Variants in ATP2B4 observed in about 807,000 individuals in gnomAD.
ATP2B4 encodes plasma membrane calcium-transporting ATPase 4.
In ATP2B4, 39 loss-of-function variants were observed where a neutral mutation model predicts 110.3. The ratio of observed to expected loss-of-function variants is 0.35; its 90% CI spans 0.27 to 0.46. The LOEUF is 0.46. Ranked by LOEUF, ATP2B4 falls within the 20% of genes least tolerant of loss-of-function variation. The probability of loss-of-function intolerance (pLI) is 1.00; values close to 1 mark genes in which losing one functional copy is unlikely to be tolerated. For synonymous variants in ATP2B4, 538 were observed against 571.7 expected, an observed-to-expected ratio of 0.94 and a Z score of 0.84; for missense variants, 1,135 against 1,530.9, an observed-to-expected ratio of 0.74 and a Z score of 4.32.
intron 1 of ATP2B4, among the ~76,000 whole-genome samples, chr1:203,673,258 A>AG (rs1664729006): frequency 6.6e-6 from 1 of 152,142 alleles, no homozygotes; most frequent in African/African-American, 2.4e-5. Context: ...AGGAGTTGGC[A>AG]GGGAGGGGCC....
intron 7 of ATP2B4, among the ~76,000 whole-genome samples, chr1:203,703,018 CA>C (rs199582727): frequency 0.023 from 3,522 of 152,242 alleles, 58 homozygotes; most frequent in Non-Finnish European, 0.037. Flanking sequence ...CCCTCTTCCC[CA>C]AAAGACTTAA....
At chr1:203,732,102 G>A (rs1293243211) in intron 20 of ATP2B4, among the ~76,000 whole-genome samples, 7 of 150,078 alleles carry the variant, frequency 4.7e-5, no homozygotes, top group Non-Finnish European at 8.9e-5. Context: ...GCGTGAACCC[G>A]GGAGGCGGAG....
intron 2 of ATP2B4, among the ~76,000 whole-genome samples, chr1:203,696,206 C>T (rs1230038458): frequency 1.3e-5 from 2 of 152,200 alleles, no homozygotes; most frequent in Non-Finnish European, 2.9e-5. Context: ...GGATTACAGG[C>T]ATGAGCCACC....
chr1:203,644,584 T>C (rs1020607973), intron 1 of ATP2B4, among the ~76,000 whole-genome samples: 3 of 152,196 alleles, frequency 2.0e-5, no homozygotes, highest in Non-Finnish European at 4.4e-5. Flanking sequence ...TAAATGTACT[T>C]CTAGGATGTT....
intron 1 of ATP2B4, among the ~76,000 whole-genome samples, chr1:203,638,417 C>T (rs1012628426): frequency 2.0e-5 from 3 of 152,182 alleles, no homozygotes; most frequent in Non-Finnish European, 4.4e-5. Flanking sequence ...AGCACTCGTA[C>T]GACATCTGTT....
At chr1:203,738,326 T>C (rs1447187264) in intron 20 of ATP2B4, among the ~76,000 whole-genome samples, 1 of 152,044 alleles carries the variant, frequency 6.6e-6, no homozygotes, top group Non-Finnish European at 1.5e-5. Flanking sequence ...AAGCCACGCC[T>C]CAGAGAGACC....
rs576970173 is a variant in ATP2B4 at position 203,685,849 on chromosome 1, T to C, written c.193+2451T>C. 1.7e-4 allele frequency among the ~76,000 whole-genome samples: 26 copies of C among 152,328 alleles called. 1 individual carries two copies. Among genetic ancestry groups the C allele is most frequent in the South Asian group, 1.5e-3 (7 of 4,826 alleles). On this transcript the variant is annotated intron_variant, in intron 2 of 20. Transcript: ENST00000357681. ...CTCATACTTATAATTAGGTGTTCAA[T>C]AGATTAGTTTTCTCAGATTAAAACA...
rs773547575 is a variant in ATP2B4 at position 203,733,300 on chromosome 1, T to C, written c.3309+5729T>C. On this transcript the variant is annotated intron_variant, in intron 20 of 20. Coordinates refer to ENST00000357681, the MANE Select transcript of ATP2B4 (RefSeq NM_001684.5). ...GGCGACAGAACATGGGTCAACACCT[T>C]GATGTAAAACTTGTTCCTAGTTCAT... 128 of 1,614,026 alleles carry C rather than the reference T, an allele frequency of 7.9e-5. No individual in the cohort carries two copies. Among genetic ancestry groups the C allele is most frequent in the Non-Finnish European group, 1.0e-4 (122 of 1,179,990 alleles).
At chr1:203,686,192 C>A (rs867569184) in intron 2 of ATP2B4, among the ~76,000 whole-genome samples, 5 of 152,136 alleles carry the variant, frequency 3.3e-5, no homozygotes, top group Non-Finnish European at 5.9e-5. Context: ...TTAATTATAT[C>A]TTCACTGAGA....
In ATP2B4 at chr1:203,721,373, C is replaced by G. The variant is rs112149038; in HGVS notation, c.2775C>G (p.Phe925Leu). 5.2e-5 allele frequency: 84 copies of G among 1,614,140 alleles called. No homozygotes were observed. The African/African-American group carries it at 5.3e-4, about 10-fold the overall frequency. The change falls in exon 17 of 21, where the codon TTC becomes TTG. Residue 925 changes from phenylalanine to leucine, a missense_variant. Physicochemically the swap from Phe to Leu is conservative, Grantham distance 22. Coordinates refer to ENST00000357681, the MANE Select transcript of ATP2B4 (RefSeq NM_001684.5). The stretch of plus-strand genomic sequence containing the variant: ...TGAAGAACATCTTGGGCCATGCATT[C>G]TATCAGCTCATTGTCATCTTTATCC... ...TMMKNILGHAFYQLIVIFILV... is the reference protein window; with the variant it reads ...TMMKNILGHALYQLIVIFILV...
intron 6 of ATP2B4, 88 bp downstream of exon 6, chr1:203,701,011 G>T (rs1482099432): frequency 1.4e-6 from 2 of 1,462,654 alleles, no homozygotes; most frequent in Non-Finnish European, 1.8e-6. Context: ...TAGAAAGCAT[G>T]GTTGGAAGAA....
Position 203,700,757 on chromosome 1 carries a change from T to TA in ATP2B4, c.776-35dup, listed in dbSNP as rs765919679. 3 of 1,610,406 alleles carry TA rather than the reference T, an allele frequency of 1.9e-6. No homozygotes were observed. In the East Asian group the frequency reaches 6.7e-5, roughly 36 times the overall value. ...TTCATACCAAATCATGTCTAGGTATTAAAAAACCCATTCCTTCCCATCTTC... is the reference window on the plus strand; with the variant it reads ...TTCATACCAAATCATGTCTAGGTATTAAAAAAACCCATTCCTTCCCATCTTC... On this transcript the variant is annotated intron_variant, in intron 5 of 20. Coordinates refer to ENST00000357681, the MANE Select transcript of ATP2B4 (RefSeq NM_001684.5).
At chr1:203,663,611 CTT>C (rs892156841) in intron 1 of ATP2B4, among the ~76,000 whole-genome samples, 8 of 145,264 alleles carry the variant, frequency 5.5e-5, no homozygotes, top group Admixed American at 6.9e-5. Context: ...CTCTCTCTCT[CTT>C]TTTTTTTTTT....
At chr1:203,628,102 G>A (rs1663143793) in intron 1 of ATP2B4, among the ~76,000 whole-genome samples, 1 of 152,226 alleles carries the variant, frequency 6.6e-6, no homozygotes, top group Non-Finnish European at 1.5e-5. Context: ...GGCAGATGGG[G>A]TGGGCCACAG....
At chr1:203,692,030 C>T (rs899078337) in intron 2 of ATP2B4, among the ~76,000 whole-genome samples, 4 of 151,876 alleles carry the variant, frequency 2.6e-5, no homozygotes, top group African/African-American at 7.3e-5. Flanking sequence ...TACAGGCGCC[C>T]GCCACCACAC....
At position 203,698,337 on chromosome 1, in the gene ATP2B4, CTGG is replaced by C. The variant is rs1665594710; in HGVS notation, c.377_379del (p.Gly126del). On this transcript the variant is annotated inframe_deletion, in exon 3 of 21. Transcript: ENST00000357681. ...CTGGTCCTGTCCTTTTATCGCCCTGCTGGTGAAGAAAATGAACGTGAGTGTCCT... is the reference window on the plus strand; with the variant it reads ...CTGGTCCTGTCCTTTTATCGCCCTGCTGAAGAAAATGAACGTGAGTGTCCT... The C allele has an allele frequency of 6.2e-7, 1 of 1,614,000 alleles. No homozygotes were observed. Among genetic ancestry groups the C allele is most frequent in the Non-Finnish European group, 8.5e-7 (1 of 1,180,014 alleles).
chr1:203,666,876 C>T (rs944529859), intron 1 of ATP2B4, among the ~76,000 whole-genome samples: 6 of 152,188 alleles, frequency 3.9e-5, no homozygotes, highest in African/African-American at 1.2e-4. Context: ...GCCTAAGAAG[C>T]CACTTTGACC....
intron 4 of ATP2B4, 140 bp downstream of exon 4, chr1:203,699,857 T>A: frequency 7.0e-7 from 1 of 1,418,540 alleles, no homozygotes; most frequent in Non-Finnish European, 9.5e-7. Context: ...GGTTAGAGTT[T>A]AAAGAGGTTG....
chr1:203,700,834 T>C lies in ATP2B4; in HGVS notation c.812T>C (p.Val271Ala). The C allele has an allele frequency of 6.2e-7, 1 of 1,613,628 alleles. No homozygotes were observed. Among genetic ancestry groups the C allele is most frequent in the South Asian group, 1.1e-5 (1 of 91,026 alleles). The change falls in exon 6 of 21, where the codon GTG becomes GCG. Residue 271 changes from valine to alanine, a missense_variant. Val to Ala is a moderately conservative substitution (Grantham distance 64). Transcript: ENST00000357681. ...HVMEGSGRMVVTAVGVNSQTG... is the reference protein window; with the variant it reads ...HVMEGSGRMVATAVGVNSQTG... Reference sequence around the variant, plus strand: ...ATGGAAGGTTCTGGCCGGATGGTGGTGACAGCTGTTGGTGTCAACTCTCAG... The same window carrying C: ...ATGGAAGGTTCTGGCCGGATGGTGGCGACAGCTGTTGGTGTCAACTCTCAG...
Sources: allele counts gnomAD v4.1 joint callset (sites outside exome capture counted in the v4.1 genomes callset), GRCh38; gene constraint gnomAD v4.1.1; transcripts MANE v1.5; gene names NCBI Gene and HGNC (gene_info 2026-07-23, HGNC 2026-07-21).